ARHGAP39: variants seen among roughly 807,000 people sequenced by gnomAD.
ARHGAP39 encodes the protein rho GTPase-activating protein 39.
ARHGAP39 carries 44 observed loss-of-function variants against 106.9 expected under a neutral mutation model. The ratio of observed to expected loss-of-function variants is 0.41; its 90% CI spans 0.32 to 0.53. The LOEUF (loss-of-function observed/expected upper bound fraction) is 0.53. ARHGAP39 is among the 20% of genes least tolerant of loss of function. The pLI, the probability that ARHGAP39 is intolerant of heterozygous loss-of-function variation, is 0.21. For synonymous variants in ARHGAP39, 768 were observed against 693.2 expected (o/e 1.11, Z -1.69); for missense variants, 1,496 against 1,577.3 (o/e 0.95, Z 0.87).
At chr8:144,675,125 G>C (rs1822199909) in intron 1 of ARHGAP39, among the ~76,000 whole-genome samples, 1 of 152,192 alleles carries the variant, frequency 6.6e-6, no homozygotes, top group Non-Finnish European at 1.5e-5. Flanking sequence ...CAGCTCCATG[G>C]ACCATGCAGC....
At chr8:144,649,135 T>C (rs1304936255) in intron 1 of ARHGAP39, among the ~76,000 whole-genome samples, 2 of 151,760 alleles carry the variant, frequency 1.3e-5, no homozygotes, top group Non-Finnish European at 2.9e-5. Context: ...AGAGAGAAGA[T>C]CCAAATAAAC....
intron 1 of ARHGAP39, among the ~76,000 whole-genome samples, chr8:144,648,398 A>G (rs1821495466): frequency 6.6e-6 from 1 of 152,232 alleles, no homozygotes; most frequent in African/African-American, 2.4e-5. Context: ...AACTGGAGCA[A>G]TCTCCCACAA....
At chr8:144,533,452 G>A in intron 8 of ARHGAP39, 127 bp from the exon 9 acceptor site, 1 of 949,538 alleles carries the variant, frequency 1.1e-6, no homozygotes, top group South Asian at 1.6e-5. Context: ...CACACACCTG[G>A]GTCCGAGTGT....
At chr8:144,694,625 C>T in the ARHGAP39 span, among the ~76,000 whole-genome samples, 1 of 152,222 alleles carries the variant, frequency 6.6e-6, no homozygotes, top group South Asian at 2.1e-4. Flanking sequence ...ATTGGAGTTT[C>T]AGGCCTTTGT....
chr8:144,605,515 C>A lies in ARHGAP39; in HGVS notation c.80+20G>T, dbSNP rs1300995065. 2 of 1,613,714 alleles carry A rather than the reference C, an allele frequency of 1.2e-6. No individual in the cohort carries two copies. Among genetic ancestry groups the A allele is most frequent in the Non-Finnish European group, 1.7e-6 (2 of 1,179,836 alleles). ...CACTCGTGAGGCCCGGGCAGCTCCG[C>A]AGGTCGGTCGGCTCCTTACCGAGTG... On this transcript the variant is annotated intron_variant, in intron 2 of 11. Coordinates refer to ENST00000377307, the MANE Select transcript of ARHGAP39 (RefSeq NM_025251.3).
intron 1 of ARHGAP39, among the ~76,000 whole-genome samples, chr8:144,672,090 C>G (rs962601317): frequency 2.6e-5 from 4 of 152,234 alleles, no homozygotes; most frequent in Admixed American, 6.5e-5. Context: ...TACCCCCTCC[C>G]ACATGTGGGA....
chr8:144,601,945 G>A (rs1217590944), intron 2 of ARHGAP39, among the ~76,000 whole-genome samples: 72 of 142,792 alleles, frequency 5.0e-4, no homozygotes, highest in South Asian at 9.1e-4. Context: ...GCGTGCGTGC[G>A]AGCTCGTGTA....
At chr8:144,582,080 G>C (rs1223489968) in intron 2 of ARHGAP39, among the ~76,000 whole-genome samples, 3 of 152,094 alleles carry the variant, frequency 2.0e-5, no homozygotes, top group Non-Finnish European at 4.4e-5. Flanking sequence ...CGCCATCACC[G>C]GGCTGGTGAG....
In ARHGAP39 at chr8:144,645,615, G is replaced by A. The variant is rs1382921375; in HGVS notation, c.-81-39920C>T. Among the ~76,000 whole-genome samples, 1 of 152,252 alleles carries A rather than the reference G, an allele frequency of 6.6e-6. No individual in the cohort carries two copies. Among genetic ancestry groups the A allele is most frequent in the Non-Finnish European group, 1.5e-5 (1 of 68,044 alleles). On this transcript the variant is annotated intron_variant, in intron 1 of 11. Transcript: ENST00000377307. This position sits in a 1 kb window ranked among gnomAD's most constrained non-coding sequence, Gnocchi z 4.4. ...TCTCCCGGCACAGAGTCCCATGAAT[G>A]TCATCATCCCAGACGTGTTAGGAAT... is the stretch of plus-strand genomic sequence containing the variant.
At chr8:144,571,303 C>T (rs1324705577) in intron 3 of ARHGAP39, among the ~76,000 whole-genome samples, 2 of 152,176 alleles carry the variant, frequency 1.3e-5, no homozygotes, top group Non-Finnish European at 2.9e-5. Context: ...CAGCTTCATC[C>T]CTGGGATGCA....
intron 1 of ARHGAP39, among the ~76,000 whole-genome samples, chr8:144,651,444 T>G (rs1821571602): frequency 6.6e-6 from 1 of 152,202 alleles, no homozygotes; most frequent in Non-Finnish European, 1.5e-5. Context: ...GGCTCACGCC[T>G]GTAATCCTAG....
chr8:144,633,789 A>G (rs1406576597), intron 1 of ARHGAP39, among the ~76,000 whole-genome samples: 1 of 152,210 alleles, frequency 6.6e-6, no homozygotes, highest in Non-Finnish European at 1.5e-5. Flanking sequence ...GCTCACTCCT[A>G]TCTCAGCCCC....
Position 144,581,185 on chromosome 8 carries a change from C to T in ARHGAP39, c.173G>A (p.Gly58Asp). 1 of 1,562,874 alleles carries T rather than the reference C, an allele frequency of 6.4e-7. No individual in the cohort carries two copies. Among genetic ancestry groups the T allele is most frequent in the Non-Finnish European group, 8.7e-7 (1 of 1,154,220 alleles). The change falls in exon 3 of 12, where the codon GGC becomes GAC. Residue 58 changes from glycine (G) to aspartate (D), a missense_variant. Physicochemically the swap from Gly to Asp is moderately conservative, Grantham distance 94. Coordinates refer to ENST00000377307, the MANE Select transcript of ARHGAP39 (RefSeq NM_025251.3). ...CTCGCTGGTGCGCTTGATGCGGACG[C>T]CGGCCGGCGGGTCCCACACGCACTC... is the stretch of plus-strand genomic sequence containing the variant. ...TGECVWDPPA[G>D]VRIKRTSENQ...
At chr8:144,588,666 C>G (rs1428720450) in intron 2 of ARHGAP39, among the ~76,000 whole-genome samples, 1 of 152,380 alleles carries the variant, frequency 6.6e-6, no homozygotes, top group South Asian at 2.1e-4. Context: ...CTGAAGCCCA[C>G]GGCCTGTCTC....
intron 5 of ARHGAP39, 119 bp from the exon 6 acceptor site, chr8:144,545,929 A>C: frequency 1.2e-6 from 1 of 826,032 alleles, no homozygotes; most frequent in South Asian, 1.9e-5. Context: ...GCCAGGTGAG[A>C]GCCCTGCCCT....
At chr8:144,693,114 G>GACCCCCTAGAC in the ARHGAP39 span, among the ~76,000 whole-genome samples, 15 of 129,186 alleles carry the variant, frequency 1.2e-4, no homozygotes, top group Non-Finnish European at 1.6e-4. Context: ...ACCCAGGCTG[G>GACCCCCTAGAC]AGAGCAATGG....
rs776007080 is a variant in ARHGAP39, at chr8:144,545,754, G to A, written c.2016C>T (p.Gly672=). The change falls in exon 6 of 12, where the codon GGC becomes GGT. Residue 672 remains glycine (G), a synonymous_variant. Transcript: ENST00000377307. ...QFESSRQSRS[G]VPSSSCVFPT... is the part of the protein sequence containing the mutation. ...GGAAGACGCAGCTGGAGCTGGGAAC[G>A]CCGCTGCGGCTCTGCCGGCTGCTCT... 209 of 1,607,232 alleles carry A rather than the reference G, an allele frequency of 1.3e-4. No individual in the cohort carries two copies. The highest frequency in any genetic ancestry group is 1.7e-4 in the Non-Finnish European group (201 of 1,177,492).
At chr8:144,581,985 C>G (rs890637181) in intron 2 of ARHGAP39, among the ~76,000 whole-genome samples, 1 of 142,916 alleles carries the variant, frequency 7.0e-6, no homozygotes, top group Non-Finnish European at 1.5e-5. Flanking sequence ...CCCATGCATC[C>G]GTCTCTTAAC....
intron 1 of ARHGAP39, among the ~76,000 whole-genome samples, chr8:144,683,008 C>A (rs1205908628): frequency 6.6e-6 from 1 of 151,986 alleles, no homozygotes; most frequent in Admixed American, 6.6e-5. Context: ...CAGAGTGAGA[C>A]CCTGTCTCAA....
Sources: allele counts gnomAD v4.1 joint callset (sites outside exome capture counted in the v4.1 genomes callset), GRCh38; gene constraint gnomAD v4.1.1; non-coding constraint Gnocchi (gnomAD v3.1); transcripts MANE v1.5; gene names NCBI Gene and HGNC (gene_info 2026-07-23, HGNC 2026-07-21).